The following SLC9C1 variants were observed in gnomAD, a reference collection of about 807,000 sequenced individuals.
SLC9C1 encodes solute carrier family 9 member C1, also known as sodium/hydrogen exchanger 10.
SLC9C1 carries 97 observed loss-of-function variants against 140.9 expected under a neutral mutation model. That is an observed-to-expected ratio of 0.69 (90% CI 0.58 to 0.82). SLC9C1 has a LOEUF of 0.82. Among genes scored for constraint, SLC9C1 ranks in the 40% least tolerant of loss-of-function variants. The pLI is 0.00. For missense variants in SLC9C1, 1,340 were observed against 1,389.3 expected (o/e 0.96, Z 0.56); for synonymous variants, 440 against 442.6 (o/e 0.99, Z 0.07).
At chr3:112,218,685 A>G (rs569952259) in intron 14 of SLC9C1, among the ~76,000 whole-genome samples, 16 of 152,342 alleles carry the variant, frequency 1.1e-4, no homozygotes, top group African/African-American at 3.6e-4. Flanking sequence ...GGGATGAAAC[A>G]TATAAATACC....
chr3:112,280,431 A>AGTAGC (rs11280983), intron 3 of SLC9C1, among the ~76,000 whole-genome samples: 87,604 of 151,400 alleles, frequency 0.58, 25,946 homozygotes, highest in East Asian at 0.79. Flanking sequence ...TAATACTTTT[A>AGTAGC]TGTATGTACT....
chr3:112,149,573 A>G (rs1297264325), intron 28 of SLC9C1, among the ~76,000 whole-genome samples: 2 of 152,136 alleles, frequency 1.3e-5, no homozygotes, highest in Non-Finnish European at 2.9e-5. Flanking sequence ...GGCTTGGAGC[A>G]GAGAGAGCCC....
chr3:112,287,152 G>A (rs767476129), intron 1 of SLC9C1, among the ~76,000 whole-genome samples: 5 of 152,166 alleles, frequency 3.3e-5, no homozygotes, highest in Admixed American at 6.5e-5. Flanking sequence ...CTGAAAGAAG[G>A]ATTCTCCATC....
intron 28 of SLC9C1, among the ~76,000 whole-genome samples, chr3:112,142,500 A>G (rs2074659779): frequency 6.6e-6 from 1 of 152,160 alleles, no homozygotes. Flanking sequence ...TTATAGGATT[A>G]TATAAGAAAC....
intron 13 of SLC9C1, among the ~76,000 whole-genome samples, chr3:112,230,016 G>A (rs907857182): frequency 6.6e-6 from 1 of 152,204 alleles, no homozygotes; most frequent in East Asian, 1.9e-4. Flanking sequence ...ACAGACAAAT[G>A]TTTGTAAAAT....
At chr3:112,247,872 AGTGT>A (rs56782439) in intron 10 of SLC9C1, among the ~76,000 whole-genome samples, 3,515 of 149,880 alleles carry the variant, frequency 0.023, 107 homozygotes, top group African/African-American at 0.075. Flanking sequence ...TTTACTCTTG[AGTGT>A]GTGTGTGTGT....
At chr3:112,249,877 C>T (rs1201046456) in intron 10 of SLC9C1, among the ~76,000 whole-genome samples, 1 of 151,900 alleles carries the variant, frequency 6.6e-6, no homozygotes, top group Non-Finnish European at 1.5e-5. Context: ...TTTATTGTTT[C>T]AGATAACCAA....
chr3:112,165,913 T>G (rs1405859726), intron 26 of SLC9C1, among the ~76,000 whole-genome samples: 1 of 152,218 alleles, frequency 6.6e-6, no homozygotes, highest in Non-Finnish European at 1.5e-5. Context: ...TGCAGTGGGC[T>G]CCACCCAGTT....
chr3:112,286,799 A>G lies in SLC9C1; in HGVS notation c.-8T>C. The G allele has an allele frequency of 1.2e-6, 2 of 1,606,134 alleles. No individual in the cohort carries two copies. Among genetic ancestry groups the G allele is most frequent in the Non-Finnish European group, 1.7e-6 (2 of 1,175,224 alleles). ...CTTAAATATTCCAGCCATGTTTCAG[A>G]AAAATTTTTATGCAGATTTATGTTA... On this transcript the variant is annotated 5_prime_UTR_variant, in exon 2 of 29. Transcript: ENST00000305815.
chr3:112,156,414 C>T (rs2075129474), intron 26 of SLC9C1, among the ~76,000 whole-genome samples: 1 of 151,856 alleles, frequency 6.6e-6, no homozygotes, highest in African/African-American at 2.4e-5. Context: ...TTTCTTTATC[C>T]ATTTGTTGAT....
intron 28 of SLC9C1, among the ~76,000 whole-genome samples, chr3:112,144,971 T>A (rs2074743152): frequency 6.6e-6 from 1 of 152,230 alleles, no homozygotes; most frequent in South Asian, 2.1e-4. Flanking sequence ...GCATTTCTAG[T>A]ATTATGTTGA....
In SLC9C1 at chr3:112,179,468, T is replaced by C. The variant is rs1576282814; in HGVS notation, c.2919+63A>G. On this transcript the variant is annotated intron_variant, in intron 23 of 28. Coordinates refer to ENST00000305815, the MANE Select transcript of SLC9C1 (RefSeq NM_183061.3). The stretch of plus-strand genomic sequence containing the variant: ...TGTAAACTTATACTAAATACTAAAA[T>C]AACCTTAAATCTGATATTATTTAAC... 10 of 1,500,130 alleles carry C rather than the reference T, an allele frequency of 6.7e-6. No homozygotes were observed. In the East Asian group the frequency reaches 2.3e-4, roughly 35 times the overall value. The allele number at this position is 1,500,130 out of a possible 1,614,324, so 92.9% of individuals were successfully genotyped here.
chr3:112,142,522 G>A (rs903291478), intron 28 of SLC9C1, among the ~76,000 whole-genome samples: 2 of 152,022 alleles, frequency 1.3e-5, no homozygotes, highest in African/African-American at 4.8e-5. Context: ...GCTGACTTGG[G>A]TGTCCTCCTG....
At chr3:112,204,561 A>G (rs2077994007) in intron 16 of SLC9C1, among the ~76,000 whole-genome samples, 158 bp from the exon 17 acceptor site, 1 of 152,084 alleles carries the variant, frequency 6.6e-6, no homozygotes, top group Non-Finnish European at 1.5e-5. Context: ...AAGTTCATCA[A>G]ATTTATCTTG....
At chr3:112,220,297 T>C (rs1375651918) in intron 14 of SLC9C1, among the ~76,000 whole-genome samples, 1 of 152,214 alleles carries the variant, frequency 6.6e-6, no homozygotes, top group Non-Finnish European at 1.5e-5. Context: ...GGCTGCTTCT[T>C]TTCTAACATC....
At chr3:112,278,604 T>C in intron 4 of SLC9C1, 125 bp downstream of exon 4, 2 of 1,012,522 alleles carry the variant, frequency 2.0e-6, no homozygotes, top group Non-Finnish European at 2.7e-6. Flanking sequence ...TGAAGCTGAA[T>C]TTATTACTCC....
chr3:112,187,102 C>T (rs889316918), intron 20 of SLC9C1, among the ~76,000 whole-genome samples: 27 of 152,106 alleles, frequency 1.8e-4, no homozygotes, highest in Non-Finnish European at 3.8e-4. Context: ...AGCCTGAGTT[C>T]TGGGATCAGA....
rs189485796 is a variant in SLC9C1 at position 112,266,231 on chromosome 3, C to T, written c.878+7G>A. On this transcript the variant is annotated splice_region_variant and intron_variant, in intron 8 of 28. Coordinates refer to ENST00000305815, the MANE Select transcript of SLC9C1 (RefSeq NM_183061.3). ...TGAAATAAAGTCAAAATATGCTATCCACTTACTCAAGAAGAAGTGTTTCTT... is the reference window on the plus strand; with the variant it reads ...TGAAATAAAGTCAAAATATGCTATCTACTTACTCAAGAAGAAGTGTTTCTT... 6.9e-4 allele frequency: 1,080 copies of T among 1,574,210 alleles called. 11 individuals carry two copies. The East Asian group carries it at 0.014, about 21-fold the overall frequency.
rs577100886 is a variant in SLC9C1, at chr3:112,214,395, G to A, written c.1790+3047C>T. ...GAAGGAGATAGAGACACGAAAAACC[G>A]TTCAAAAAATCAATGAATCCAGGAG... On this transcript the variant is annotated intron_variant, in intron 15 of 28. Coordinates refer to ENST00000305815, the MANE Select transcript of SLC9C1 (RefSeq NM_183061.3). Among the ~76,000 whole-genome samples, 100 of 151,916 alleles carry A rather than the reference G, an allele frequency of 6.6e-4. 1 individual carries two copies. The highest frequency in any genetic ancestry group is 2.1e-3 in the African/African-American group (86 of 41,476).
Sources: allele counts gnomAD v4.1 joint callset (sites outside exome capture counted in the v4.1 genomes callset), GRCh38; gene constraint gnomAD v4.1.1; transcripts MANE v1.5; gene names NCBI Gene and HGNC (gene_info 2026-07-23, HGNC 2026-07-21).